ROBO2: variants seen among roughly 807,000 people sequenced by gnomAD.
ROBO2 encodes the protein roundabout guidance receptor 2.
A neutral mutation model predicts 160.8 loss-of-function variants in ROBO2; 53 were observed. The ratio of observed to expected loss-of-function variants is 0.33; its 90% CI spans 0.26 to 0.41. ROBO2 has a LOEUF of 0.41. Among genes scored for constraint, ROBO2 ranks in the 10% least tolerant of loss-of-function variants. The pLI, the probability that ROBO2 is intolerant of heterozygous loss-of-function variation, is 1.00. For missense variants in ROBO2, 1,577 were observed against 1,722.4 expected, an observed-to-expected ratio of 0.92 and a Z score of 1.49; for synonymous variants, 664 against 611.7, an observed-to-expected ratio of 1.09 and a Z score of -1.26.
Position 77,063,633 on chromosome 3 carries a change from T to C in ROBO2, c.61+22787T>C, listed in dbSNP as rs552875199. Among the ~76,000 whole-genome samples, 9 of 152,342 alleles carry C rather than the reference T, an allele frequency of 5.9e-5. No homozygotes were observed. The East Asian group carries it at 1.5e-3, about 26-fold the overall frequency. ...TGACTCACACTTACGTTAGGCTACT[T>C]CGTGTGAAGAGCTCTTTGCTCTTAA... is the stretch of plus-strand genomic sequence containing the variant. On this transcript the variant is annotated intron_variant, in intron 1 of 25. Coordinates refer to ENST00000461745, the Ensembl canonical transcript of ROBO2.
chr3:76,582,975 C>T (rs188838363), intron 2 of ROBO2, among the ~76,000 whole-genome samples: 24 of 143,726 alleles, frequency 1.7e-4, no homozygotes, highest in African/African-American at 5.9e-4. Flanking sequence ...AGAGTCACAA[C>T]AAACTACTAT....
At chr3:76,771,320 A>C (rs1302136900) in intron 2 of ROBO2, among the ~76,000 whole-genome samples, 1 of 151,322 alleles carries the variant, frequency 6.6e-6, no homozygotes, top group Non-Finnish European at 1.5e-5. Context: ...TGTTAAAATT[A>C]ATTTCACCTG....
intron 5 of ROBO2, among the ~76,000 whole-genome samples, chr3:77,495,740 A>T (rs2086703644): frequency 6.6e-6 from 1 of 152,214 alleles, no homozygotes; most frequent in Admixed American, 6.5e-5. Flanking sequence ...ATCAGGGGGC[A>T]CATTATATCC....
intron 2 of ROBO2, among the ~76,000 whole-genome samples, chr3:76,830,172 C>G (rs4856054): frequency 0.064 from 9,682 of 152,138 alleles, 338 homozygotes; most frequent in East Asian, 0.11. Context: ...AACTGTCCCC[C>G]CCTCCATGCA....
chr3:76,508,448 A>T (rs903974777), intron 2 of ROBO2, among the ~76,000 whole-genome samples: 1 of 152,132 alleles, frequency 6.6e-6, no homozygotes, highest in African/African-American at 2.4e-5. Flanking sequence ...AACAATTTGG[A>T]CCTACTCAAT....
chr3:76,565,994 T>G (rs1001015035), intron 2 of ROBO2, among the ~76,000 whole-genome samples: 5 of 152,186 alleles, frequency 3.3e-5, no homozygotes, highest in Non-Finnish European at 7.4e-5. Flanking sequence ...CAGCTGGCAC[T>G]GATCACTGAA....
At chr3:77,199,802 T>G (rs1045162534) in intron 2 of ROBO2, among the ~76,000 whole-genome samples, 1 of 60,726 alleles carries the variant, frequency 1.6e-5, no homozygotes, top group Admixed American at 2.0e-4. Flanking sequence ...TTTTTTTTTG[T>G]TGTTTATAGA....
rs548159740 is a variant in ROBO2, at chr3:77,520,725, G to A, written c.807-2050G>A. ...GTTTTTAGATGAATTGGAAATGGCT[G>A]CAAAATACAGTATTTAAATGTTTCT... On this transcript the variant is annotated intron_variant, in intron 5 of 25. Coordinates refer to ENST00000461745, the Ensembl canonical transcript of ROBO2. Among the ~76,000 whole-genome samples, 9 of 151,296 alleles carry A rather than the reference G, an allele frequency of 5.9e-5. No homozygotes were observed. In the East Asian group the frequency reaches 1.4e-3, roughly 23 times the overall value.
chr3:77,340,001 T>G (rs142945966), intron 2 of ROBO2, among the ~76,000 whole-genome samples: 1 of 152,218 alleles, frequency 6.6e-6, no homozygotes, highest in East Asian at 1.9e-4. Flanking sequence ...CATATCTGAA[T>G]TGTTCAATTT....
At chr3:77,166,383 A>G (rs2079076613) in intron 2 of ROBO2, among the ~76,000 whole-genome samples, 1 of 152,228 alleles carries the variant, frequency 6.6e-6, no homozygotes, top group East Asian at 1.9e-4. Flanking sequence ...CCATAACCAG[A>G]TATCCCCAAT....
At chr3:76,958,779 C>T (rs1337097148) in intron 2 of ROBO2, among the ~76,000 whole-genome samples, 1 of 143,278 alleles carries the variant, frequency 7.0e-6, no homozygotes, top group African/African-American at 2.5e-5. Context: ...ATGCGAGAGG[C>T]AAAAACAAAA....
At chr3:76,797,525 AG>A (rs1179172276) in intron 2 of ROBO2, among the ~76,000 whole-genome samples, 3 of 152,020 alleles carry the variant, frequency 2.0e-5, no homozygotes, top group African/African-American at 7.2e-5. Context: ...ATAAGGAACT[AG>A]AAAAGCAAGA....
chr3:77,143,408 T>G (rs2076877138), intron 2 of ROBO2, among the ~76,000 whole-genome samples: 1 of 151,804 alleles, frequency 6.6e-6, no homozygotes, highest in African/African-American at 2.4e-5. Flanking sequence ...GTTGGCCAGG[T>G]TGTTCTTGAA....
chr3:76,228,263 G>T (rs1473200534), intron 2 of ROBO2, among the ~76,000 whole-genome samples: 2 of 152,054 alleles, frequency 1.3e-5, no homozygotes, highest in Admixed American at 1.3e-4. Context: ...GACAGCAAAT[G>T]GATTATGGCA....
At chr3:77,441,119 T>C (rs1411327684) in intron 2 of ROBO2, among the ~76,000 whole-genome samples, 1 of 152,094 alleles carries the variant, frequency 6.6e-6, no homozygotes, top group East Asian at 1.9e-4. Flanking sequence ...TCTGGACCTT[T>C]CCTCTTTCAC....
chr3:77,543,711 A>G (rs1290774275), intron 6 of ROBO2, among the ~76,000 whole-genome samples: 1 of 152,156 alleles, frequency 6.6e-6, no homozygotes, highest in Non-Finnish European at 1.5e-5. Flanking sequence ...ATTTCATTTG[A>G]TGATTTCAAT....
intron 2 of ROBO2, among the ~76,000 whole-genome samples, chr3:76,220,731 C>G (rs191033266): frequency 6.6e-6 from 1 of 151,884 alleles, no homozygotes; most frequent in Admixed American, 6.6e-5. Flanking sequence ...AGAAAGAAAA[C>G]AAACATATTT....
At position 76,054,585 on chromosome 3, in the gene ROBO2, G is replaced by A. The variant is rs541673483; in HGVS notation, c.109+116983G>A. Among the ~76,000 whole-genome samples, 5 of 152,274 alleles carry A rather than the reference G, an allele frequency of 3.3e-5. No individual in the cohort carries two copies. In the South Asian group the frequency reaches 1.0e-3, roughly 32 times the overall value. On this transcript the variant is annotated intron_variant, in intron 2 of 26. Transcript: ENST00000487694. ...TGCATGTTGTCACTTATAAGTAGGA[G>A]CTAAACAGTAGGGACACATGGACAT...
intron 2 of ROBO2, among the ~76,000 whole-genome samples, chr3:76,994,089 T>TA (rs2060848912): frequency 9.7e-6 from 1 of 102,958 alleles, no homozygotes; most frequent in Non-Finnish European, 1.9e-5. Flanking sequence ...GTGCTTTTTT[T>TA]GTTTTTTTTT....
Sources: allele counts gnomAD v4.1 joint callset (sites outside exome capture counted in the v4.1 genomes callset), GRCh38; gene constraint gnomAD v4.1.1; transcripts MANE v1.5; gene names NCBI Gene and HGNC (gene_info 2026-07-23, HGNC 2026-07-21).